GABPB2: variants seen among roughly 807,000 people sequenced by gnomAD.
GABPB2 encodes GA binding protein transcription factor subunit beta 2.
GABPB2 carries 23 observed loss-of-function variants against 39.1 expected under a neutral mutation model. The observed-to-expected ratio is 0.59, with a 90% CI of 0.42 to 0.83. GABPB2 has a LOEUF of 0.83. Ranked by LOEUF, GABPB2 falls within the 40% of genes least tolerant of loss-of-function variation. The pLI is 0.00. For missense variants in GABPB2, 467 were observed against 541.1 expected (o/e 0.86, Z 1.36); for synonymous variants, 184 against 199.3 (o/e 0.92, Z 0.65).
At position 151,080,215 on chromosome 1, in the gene GABPB2, C is replaced by CAAA. The variant is rs57351502; in HGVS notation, c.1-7948_1-7946dup. ...GGGCAACAAGAGCCAAACTCCATCT[C>CAAA]AAAAAAAAAAAAAAAAAAAAAAAAA... is the stretch of plus-strand genomic sequence containing the variant. On this transcript the variant is annotated intron_variant, in intron 1 of 8. Transcript: ENST00000368918. Among the ~76,000 whole-genome samples, 40 of 29,942 alleles carry CAAA rather than the reference C, an allele frequency of 1.3e-3. 2 individuals carry two copies. Among genetic ancestry groups the CAAA allele is most frequent in the Non-Finnish European group, 2.8e-3 (35 of 12,336 alleles). The allele number at this position is 29,942 out of a possible 152,430, so 19.6% of individuals were successfully genotyped here.
chr1:151,109,364 A>ATATTTTTT (rs779537595), intron 7 of GABPB2, among the ~76,000 whole-genome samples: 1,128 of 112,344 alleles, frequency 0.01, 12 homozygotes, highest in East Asian at 0.033. Context: ...ATATATATAT[A>ATATTTTTT]TTTTTTTTTT....
At chr1:151,103,745 ATTTGCATG>A in intron 6 of GABPB2, 70 bp downstream of exon 6, 1 of 987,318 alleles carries the variant, frequency 1.0e-6, no homozygotes, top group Non-Finnish European at 1.6e-6. Flanking sequence ...AGCAGATTTA[ATTTGCATG>A]AAATATTATT....
rs1432280364 is a variant in GABPB2 at position 151,107,165 on chromosome 1, A to G, written c.865A>G (p.Ile289Val). Reference sequence around the variant, plus strand: ...CCCTCTGGGTAATATCCAAACTTCAATCCCTACTGGAGGCATTGGCCAGCC... The same window carrying G: ...CCCTCTGGGTAATATCCAAACTTCAGTCCCTACTGGAGGCATTGGCCAGCC... The part of the protein sequence containing the change: ...GVPLGNIQTS[I>V]PTGGIGQPFI... The change falls in exon 7 of 9, where the codon ATC becomes GTC. Residue 289 changes from isoleucine (I) to valine (V), a missense_variant. Ile to Val is a conservative substitution (Grantham distance 29). Transcript: ENST00000368918. 6.2e-7 allele frequency: 1 copy of G among 1,612,752 alleles called. No individual in the cohort carries two copies. The highest frequency in any genetic ancestry group is 1.3e-5 in the African/African-American group (1 of 74,854).
rs1249780247 is a variant in GABPB2 at position 151,070,785 on chromosome 1, C to G, written c.-150C>G. ...CGCCATTTTGTTGCCTCTGTTTCTC[C>G]ACGAGGGGGGGTTAAAGGCCCCCAA... is the stretch of plus-strand genomic sequence containing the variant. On this transcript the variant is annotated 5_prime_UTR_variant, in exon 1 of 9. Coordinates refer to ENST00000368918, the MANE Select transcript of GABPB2 (RefSeq NM_144618.3). 1 of 152,270 alleles carries G rather than the reference C, an allele frequency of 6.6e-6. No homozygotes were observed. The allele number at this position is 152,270 out of a possible 1,614,324, so 9.4% of individuals were successfully genotyped here.
At chr1:151,077,638 C>T (rs900748380) in intron 1 of GABPB2, among the ~76,000 whole-genome samples, 3 of 151,778 alleles carry the variant, frequency 2.0e-5, no homozygotes, top group African/African-American at 7.3e-5. Context: ...GGTATAAACC[C>T]ATGGCTGGGC....
At chr1:151,092,345 T>G (rs1365206574) in intron 3 of GABPB2, among the ~76,000 whole-genome samples, 1 of 151,712 alleles carries the variant, frequency 6.6e-6, no homozygotes, top group Non-Finnish European at 1.5e-5. Context: ...GACCTCGTGA[T>G]CCACCCGCCT....
chr1:151,097,976 C>G lies in GABPB2; in HGVS notation c.596C>G (p.Ser199Cys), dbSNP rs934742844. The change falls in exon 5 of 9, where the codon TCT (serine) becomes TGT (cysteine). Residue 199 changes from serine (S) to cysteine (C), a missense_variant. By Grantham distance (112) the Ser-to-Cys change is moderately radical (BLOSUM62 -1). Transcript: ENST00000368918. Reference protein sequence around the residue: ...GEVVNLASLISSTNTKTTSGD... With the variant: ...GEVVNLASLICSTNTKTTSGD... ...GTTGTTAACCTCGCAAGCCTTATTT[C>G]TTCAACCAACACCAAAACAACCTCA... 8 of 1,613,952 alleles carry G rather than the reference C, an allele frequency of 5.0e-6. No homozygotes were observed. Among genetic ancestry groups the G allele is most frequent in the Non-Finnish European group, 6.8e-6 (8 of 1,180,008 alleles).
In GABPB2 at chr1:151,081,883, C is replaced by T. The variant is rs927063121; in HGVS notation, c.1-6307C>T. Among the ~76,000 whole-genome samples, 16 of 152,040 alleles carry T rather than the reference C, an allele frequency of 1.1e-4. No individual in the cohort carries two copies. In the South Asian group the frequency reaches 1.4e-3, roughly 14 times the overall value. On this transcript the variant is annotated intron_variant, in intron 1 of 8. Transcript: ENST00000368918. ...AACTCCTGACCTTAGGTGATCTGCC[C>T]GCCTCAGTCTCCCAAAGTGCTGGGT... is the stretch of plus-strand genomic sequence containing the variant.
intron 1 of GABPB2, among the ~76,000 whole-genome samples, chr1:151,083,866 G>A (rs1451769061): frequency 2.0e-5 from 3 of 149,840 alleles, no homozygotes; most frequent in Non-Finnish European, 4.5e-5. Context: ...TCAGCCTCCC[G>A]AGTAGCTGTC....
chr1:151,081,640 ATTTT>A (rs1253508335), intron 1 of GABPB2, among the ~76,000 whole-genome samples: 2 of 148,082 alleles, frequency 1.4e-5, no homozygotes, highest in Non-Finnish European at 3.0e-5. Flanking sequence ...ATTATTATTT[ATTTT>A]TTTTTTTTTA....
chr1:151,103,604 C>T lies in GABPB2; in HGVS notation c.665C>T (p.Thr222Ile). ...ASTVQFSNSTTSVLATLAALA... is the reference protein window; with the variant it reads ...ASTVQFSNSTISVLATLAALA... ...ACAGTACAGTTTTCAAATTCTACCA[C>T]CTCAGTGCTGGCTACCCTTGCAGCT... is the stretch of plus-strand genomic sequence containing the variant. Residue 222 changes from threonine (T) to isoleucine (I), a missense_variant, in exon 6 of 9, where the codon ACC (threonine) becomes ATC (isoleucine). By Grantham distance (89) the Thr-to-Ile change is moderately conservative. Coordinates refer to ENST00000368918, the MANE Select transcript of GABPB2 (RefSeq NM_144618.3). The T allele has an allele frequency of 6.2e-7, 1 of 1,614,078 alleles. No homozygotes were observed. The highest frequency in any genetic ancestry group is 8.5e-7 in the Non-Finnish European group (1 of 1,179,988).
intron 6 of GABPB2, among the ~76,000 whole-genome samples, chr1:151,104,181 G>T (rs1679755255): frequency 6.6e-6 from 1 of 152,114 alleles, no homozygotes; most frequent in Admixed American, 6.6e-5. Context: ...TATAGGCTAT[G>T]TATTGCCTTT....
chr1:151,094,593 C>T (rs1169205698), intron 4 of GABPB2, among the ~76,000 whole-genome samples: 2 of 151,080 alleles, frequency 1.3e-5, no homozygotes, highest in Non-Finnish European at 3.0e-5. Context: ...AGGTGATCCG[C>T]CTGCCTCGGC....
intron 7 of GABPB2, among the ~76,000 whole-genome samples, chr1:151,108,195 A>C (rs962772153): frequency 6.6e-6 from 1 of 151,968 alleles, no homozygotes; most frequent in African/African-American, 2.4e-5. Flanking sequence ...TTTGAGATGG[A>C]GTTCCTCTTT....
At chr1:151,071,625 AT>A (rs769514653) in intron 1 of GABPB2, among the ~76,000 whole-genome samples, 34 of 151,966 alleles carry the variant, frequency 2.2e-4, no homozygotes, top group Non-Finnish European at 4.4e-4. Context: ...GTGCGCCACC[AT>A]GCATGGCTAA....
intron 4 of GABPB2, among the ~76,000 whole-genome samples, chr1:151,094,965 G>A (rs1362552238): frequency 2.0e-5 from 3 of 149,154 alleles, no homozygotes; most frequent in African/African-American, 4.9e-5. Flanking sequence ...AGCCAAGATC[G>A]CGCCACTGCA....
rs923021950 is a variant in GABPB2, at chr1:151,124,916, A to G, written c.*6660A>G. The G allele has an allele frequency of 6.6e-6, 1 of 152,054 alleles. No homozygotes were observed. The highest frequency in any genetic ancestry group is 1.5e-5 in the Non-Finnish European group (1 of 68,024). 9.4% of individuals were successfully genotyped at this position (152,054 alleles called of 1,614,324 possible). On this transcript the variant is annotated 3_prime_UTR_variant, in exon 9 of 9. Coordinates refer to ENST00000368918, the MANE Select transcript of GABPB2 (RefSeq NM_144618.3). The stretch of plus-strand genomic sequence containing the variant: ...CTAGACTCTACAGTAGCAGTTTGGC[A>G]TGTTAGTGACAGGAAATTGTGATTC...
chr1:151,116,252 G>A (rs931990208), intron 7 of GABPB2, among the ~76,000 whole-genome samples: 4 of 152,096 alleles, frequency 2.6e-5, no homozygotes, highest in African/African-American at 4.8e-5. Context: ...TTAGCCGGGT[G>A]TAGTGGGGCA....
intron 5 of GABPB2, 115 bp downstream of exon 5, chr1:151,098,117 AG>A: frequency 1.2e-6 from 1 of 855,592 alleles, no homozygotes. Context: ...ATATTGCCAA[AG>A]CAGAAGATTT....
Sources: gnomAD v4.1 joint callset for allele counts (sites outside exome capture counted in the v4.1 genomes callset) on GRCh38, gnomAD v4.1.1 for gene constraint, MANE v1.5 for transcripts, NCBI Gene and HGNC (gene_info 2026-07-23, HGNC 2026-07-21) for gene names.